The following PPARG variants were observed in gnomAD, a reference collection of about 807,000 sequenced individuals.
PPARG encodes peroxisome proliferator activated receptor gamma, also known as peroxisome proliferator-activated receptor gamma.
In PPARG, 17 loss-of-function variants were observed where a neutral mutation model predicts 39.2. The observed-to-expected ratio is 0.43, with a 90% CI of 0.30 to 0.65. PPARG has a LOEUF of 0.65. Ranked by LOEUF, PPARG falls within the 30% of genes least tolerant of loss-of-function variation. The probability of loss-of-function intolerance (pLI) is 0.13; values close to 1 mark genes in which losing one functional copy is unlikely to be tolerated. For synonymous variants in PPARG, 223 were observed against 215.7 expected (o/e 1.03, Z -0.30); for missense variants, 406 against 585.9 (o/e 0.69, Z 3.17).
intron 4 of PPARG, among the ~76,000 whole-genome samples, chr3:12,390,835 G>A (rs1189579002): frequency 1.3e-5 from 2 of 151,644 alleles, no homozygotes; most frequent in Non-Finnish European, 2.9e-5. Context: ...TTTTTTTATA[G>A]AGACAAGGTT....
chr3:12,294,458 C>T (rs1247307642), intron 1 of PPARG, among the ~76,000 whole-genome samples: 1 of 152,150 alleles, frequency 6.6e-6, no homozygotes, highest in Non-Finnish European at 1.5e-5. Context: ...TATGTGGTCT[C>T]TTCATGAGTC....
At chr3:12,314,404 G>A (rs1441975826) in intron 2 of PPARG, among the ~76,000 whole-genome samples, 1 of 152,116 alleles carries the variant, frequency 6.6e-6, no homozygotes, top group African/African-American at 2.4e-5. Context: ...TAACTTTACA[G>A]TGGAGAATCC....
At chr3:12,334,205 C>G (rs1487602901) in intron 2 of PPARG, among the ~76,000 whole-genome samples, 1 of 151,384 alleles carries the variant, frequency 6.6e-6, no homozygotes, top group Admixed American at 6.6e-5. Flanking sequence ...GTTGACTTGG[C>G]TTAAATTTTA....
chr3:12,373,299 G>A (rs1365339133), intron 2 of PPARG, among the ~76,000 whole-genome samples: 1 of 152,136 alleles, frequency 6.6e-6, no homozygotes, highest in Non-Finnish European at 1.5e-5. Context: ...AGGGAGAAGG[G>A]CAGGGGGGAA....
intron 7 of PPARG, among the ~76,000 whole-genome samples, chr3:12,432,179 C>T (rs532536340): frequency 6.6e-6 from 1 of 152,306 alleles, no homozygotes; most frequent in South Asian, 2.1e-4. Context: ...ACTGCGTTGA[C>T]ACAGAAGGCA....
intron 4 of PPARG, among the ~76,000 whole-genome samples, chr3:12,392,022 A>C (rs192846962): frequency 2.0e-5 from 3 of 152,306 alleles, no homozygotes; most frequent in African/African-American, 7.2e-5. Flanking sequence ...ATTACTTCTC[A>C]TGTTATTCCC....
chr3:12,375,744 A>G (rs1401054647), intron 2 of PPARG, among the ~76,000 whole-genome samples: 4 of 152,126 alleles, frequency 2.6e-5, no homozygotes, highest in Non-Finnish European at 5.9e-5. Context: ...TCTGGATGTC[A>G]TTGAGACCTA....
intron 2 of PPARG, among the ~76,000 whole-genome samples, chr3:12,355,539 A>AT (rs1315958000): frequency 6.6e-6 from 1 of 151,806 alleles, no homozygotes; most frequent in East Asian, 1.9e-4. Flanking sequence ...TAGCTTTATC[A>AT]TTTTTTTCTG....
At chr3:12,416,100 C>T (rs985341887) in intron 6 of PPARG, among the ~76,000 whole-genome samples, 2 of 152,116 alleles carry the variant, frequency 1.3e-5, no homozygotes, top group African/African-American at 2.4e-5. Flanking sequence ...AACAATCGGC[C>T]GGGTGTGGTG....
At chr3:12,323,263 G>C (rs1284116352) in intron 2 of PPARG, among the ~76,000 whole-genome samples, 4 of 152,216 alleles carry the variant, frequency 2.6e-5, no homozygotes, top group African/African-American at 2.4e-5. Flanking sequence ...AGAGGGATTA[G>C]CTTGATTTTT....
chr3:12,295,036 T>C (rs1201942076), intron 1 of PPARG, among the ~76,000 whole-genome samples: 2 of 152,120 alleles, frequency 1.3e-5, no homozygotes, highest in Non-Finnish European at 2.9e-5. Flanking sequence ...AGCTAATAGG[T>C]GGTATTTAGC....
chr3:12,317,737 A>G (rs1447944172), intron 2 of PPARG, among the ~76,000 whole-genome samples: 2 of 152,232 alleles, frequency 1.3e-5, no homozygotes, highest in Non-Finnish European at 2.9e-5. Context: ...GCAATTAATT[A>G]CCTTACTCTT....
At chr3:12,308,300 C>T (rs2047129341) in intron 1 of PPARG, among the ~76,000 whole-genome samples, 1 of 129,354 alleles carries the variant, frequency 7.7e-6, no homozygotes, top group African/African-American at 2.9e-5. Flanking sequence ...ACCATGATCA[C>T]ACCACTGTAC....
chr3:12,329,621 T>C (rs966207151), intron 2 of PPARG, among the ~76,000 whole-genome samples: 21 of 152,234 alleles, frequency 1.4e-4, no homozygotes, highest in Non-Finnish European at 2.5e-4. Flanking sequence ...TATCATTTTT[T>C]TTTATTGTGG....
chr3:12,412,288 A>T (rs1191897538), intron 6 of PPARG, among the ~76,000 whole-genome samples: 1 of 152,118 alleles, frequency 6.6e-6, no homozygotes, highest in Non-Finnish European at 1.5e-5. Context: ...GTAAAAAAAA[A>T]ATTAATTACT....
chr3:12,336,295 G>A (rs949744135), intron 2 of PPARG, among the ~76,000 whole-genome samples: 1 of 152,122 alleles, frequency 6.6e-6, no homozygotes, highest in East Asian at 1.9e-4. Context: ...GGGAGTTGTG[G>A]GGAGGAGGAT....
In PPARG at chr3:12,381,347, T is replaced by C. The variant is rs758183823; in HGVS notation, c.246T>C (p.Ser82=). The change falls in exon 4 of 8, where the codon TCT becomes TCC. Residue 82 remains serine, a synonymous_variant. Coordinates refer to ENST00000651735, the MANE Select transcript of PPARG (RefSeq NM_138711.6). The stretch of plus-strand genomic sequence containing the variant: ...GTGCAATCAAAGTGGAGCCTGCATC[T>C]CCACCTTATTATTCTGAGAAGACTC... ...YQSAIKVEPA[S]PPYYSEKTQL... 3 of 1,613,324 alleles carry C rather than the reference T, an allele frequency of 1.9e-6. No homozygotes were observed. Among genetic ancestry groups the C allele is most frequent in the Non-Finnish European group, 2.5e-6 (3 of 1,179,646 alleles).
At chr3:12,334,063 C>T (rs1225111827) in intron 2 of PPARG, among the ~76,000 whole-genome samples, 1 of 152,084 alleles carries the variant, frequency 6.6e-6, no homozygotes, top group Non-Finnish European at 1.5e-5. Context: ...TAACTTTTCA[C>T]CTCTTTGCAG....
intron 1 of PPARG, among the ~76,000 whole-genome samples, chr3:12,309,669 C>A (rs1379464266): frequency 6.6e-6 from 1 of 152,116 alleles, no homozygotes. Context: ...GGAAGTAATT[C>A]TTTGATAAGT....
Sources: allele counts gnomAD v4.1 joint callset (sites outside exome capture counted in the v4.1 genomes callset), GRCh38; gene constraint gnomAD v4.1.1; transcripts MANE v1.5; gene names NCBI Gene and HGNC (gene_info 2026-07-23, HGNC 2026-07-21).